Variants in MAMDC2 observed in about 807,000 individuals in gnomAD.
The protein encoded by MAMDC2 is MAM domain containing 2, also known as MAM domain-containing protein 2.
Under a neutral mutation model 89.8 loss-of-function variants are expected in MAMDC2, and 57 were observed. That is an observed-to-expected ratio of 0.63 (90% CI 0.51 to 0.79). The LOEUF is 0.79. Ranked by LOEUF, MAMDC2 falls within the 30% of genes least tolerant of loss-of-function variation. The pLI is 0.00. For missense variants in MAMDC2, 800 were observed against 820.6 expected (o/e 0.97, Z 0.31); for synonymous variants, 313 against 293.4 (o/e 1.07, Z -0.68).
At chr9:70,145,574 A>G (rs1341451864) in intron 9 of MAMDC2, among the ~76,000 whole-genome samples, 1 of 47,814 alleles carries the variant, frequency 2.1e-5, no homozygotes, top group Non-Finnish European at 4.5e-5. Context: ...ACGCATGTAC[A>G]CACACACATG....
intron 5 of MAMDC2, among the ~76,000 whole-genome samples, chr9:70,120,758 A>G (rs2030247551): frequency 6.6e-6 from 1 of 152,208 alleles, no homozygotes; most frequent in Non-Finnish European, 1.5e-5. Flanking sequence ...ATATTCATTC[A>G]TGCTTACGTC....
At chr9:70,117,905 G>A (rs2030083088) in intron 5 of MAMDC2, among the ~76,000 whole-genome samples, 1 of 152,194 alleles carries the variant, frequency 6.6e-6, no homozygotes, top group Non-Finnish European at 1.5e-5. Flanking sequence ...TTGCAAGCAT[G>A]CACAGTAATG....
intron 11 of MAMDC2, among the ~76,000 whole-genome samples, chr9:70,189,736 G>T (rs576822205): frequency 6.6e-6 from 1 of 151,418 alleles, no homozygotes; most frequent in Non-Finnish European, 1.5e-5. Context: ...ACACTTGATG[G>T]TGTGTCTCAC....
At chr9:70,145,900 T>C (rs910034882) in intron 9 of MAMDC2, among the ~76,000 whole-genome samples, 2 of 152,088 alleles carry the variant, frequency 1.3e-5, no homozygotes, top group African/African-American at 2.4e-5. Flanking sequence ...CTAACTACCA[T>C]GCAATGTCAT....
chr9:70,210,639 G>A (rs974642215), intron 11 of MAMDC2, among the ~76,000 whole-genome samples: 2 of 152,112 alleles, frequency 1.3e-5, no homozygotes, highest in Non-Finnish European at 2.9e-5. Flanking sequence ...TTACATTTAA[G>A]GTTAATATTG....
At chr9:70,161,100 A>C (rs181911175) in intron 9 of MAMDC2, among the ~76,000 whole-genome samples, 18 of 152,242 alleles carry the variant, frequency 1.2e-4, no homozygotes, top group African/African-American at 4.3e-4. Flanking sequence ...CCTGTTCTTC[A>C]TTCTAAAAAA....
intron 2 of MAMDC2, among the ~76,000 whole-genome samples, chr9:70,077,459 A>G (rs925006672): frequency 2.0e-5 from 3 of 152,242 alleles, no homozygotes; most frequent in African/African-American, 7.2e-5. Context: ...CAATGGGGCT[A>G]TTGAGCAGTA....
chr9:70,145,784 A>T (rs548407023), intron 9 of MAMDC2, among the ~76,000 whole-genome samples: 1 of 152,050 alleles, frequency 6.6e-6, no homozygotes, highest in South Asian at 2.1e-4. Context: ...ACCAGTGTTT[A>T]TTAGGTATAT....
At chr9:70,163,341 G>A (rs765065755) in intron 9 of MAMDC2, among the ~76,000 whole-genome samples, 1 of 150,024 alleles carries the variant, frequency 6.7e-6, no homozygotes, top group African/African-American at 2.5e-5. Context: ...TGACTCTCCT[G>A]CCTCAGCCTC....
Position 70,076,839 on chromosome 9 carries a change from T to A in MAMDC2, c.149-31372T>A, listed in dbSNP as rs3015166. Among the ~76,000 whole-genome samples the A allele has an allele frequency of 7.2e-3, 1,104 of 152,286 alleles. 15 individuals are homozygous for A. The highest frequency in any genetic ancestry group is 0.025 in the African/African-American group (1,048 of 41,550). ...TTCTCTAAAAATAGTCCCTTCAGCCTTTCCTATTAAACTAGGTGTCAAGGC... is the reference window on the plus strand; with the variant it reads ...TTCTCTAAAAATAGTCCCTTCAGCCATTCCTATTAAACTAGGTGTCAAGGC... On this transcript the variant is annotated intron_variant, in intron 2 of 13. Transcript: ENST00000377182.
chr9:70,096,209 G>T (rs1431425228), intron 2 of MAMDC2, among the ~76,000 whole-genome samples: 1 of 151,812 alleles, frequency 6.6e-6, no homozygotes, highest in African/African-American at 2.4e-5. Context: ...GTAGAGATGG[G>T]GTTTTGCCAT....
chr9:70,170,693 C>T (rs910169772), intron 11 of MAMDC2, 62 bp downstream of exon 11: 16 of 1,460,664 alleles, frequency 1.1e-5, no homozygotes, highest in South Asian at 4.3e-5. Context: ...TTCTAGGAAT[C>T]GTTTACTGCA....
chr9:70,065,579 C>CTT (rs34893537), intron 2 of MAMDC2, among the ~76,000 whole-genome samples: 2 of 141,398 alleles, frequency 1.4e-5, no homozygotes, highest in Middle Eastern at 3.6e-3. Context: ...ACCCCACGTC[C>CTT]TTTTTTTTTT....
At chr9:70,209,922 A>C (rs1013598689) in intron 11 of MAMDC2, among the ~76,000 whole-genome samples, 1 of 152,166 alleles carries the variant, frequency 6.6e-6, no homozygotes. Flanking sequence ...CAGGTTGTTC[A>C]GTTTCCATGT....
intron 9 of MAMDC2, among the ~76,000 whole-genome samples, chr9:70,145,562 GCACGCATGTACA>G (rs1215119738): frequency 2.6e-5 from 3 of 114,388 alleles, no homozygotes; most frequent in African/African-American, 6.5e-5. Flanking sequence ...ACACACACAT[GCACGCATGTACA>G]CACACACATG....
chr9:70,198,501 A>G (rs1334243127), intron 11 of MAMDC2, among the ~76,000 whole-genome samples: 1 of 152,122 alleles, frequency 6.6e-6, no homozygotes, highest in Non-Finnish European at 1.5e-5. Flanking sequence ...AGAATATATA[A>G]GCCAAGAGTA....
chr9:70,109,726 A>G lies in MAMDC2; in HGVS notation c.427A>G (p.Ile143Val), dbSNP rs1204440359. ...QNSSKKFKIL[I>V]EGVLGQGNTA... ...TTCCCCATATGTTGTGCAGATTTTA[A>G]TAGAAGGTGTACTAGGACAGGGAAA... The change falls in exon 4 of 14, where the codon ATA becomes GTA. Residue 143 changes from isoleucine (I) to valine (V), a missense_variant. Coordinates refer to ENST00000377182, the MANE Select transcript of MAMDC2 (RefSeq NM_153267.5). The G allele has an allele frequency of 3.1e-6, 5 of 1,612,998 alleles. No homozygotes were observed. Among genetic ancestry groups the G allele is most frequent in the Non-Finnish European group, 4.2e-6 (5 of 1,179,158 alleles).
At chr9:70,100,211 A>C (rs1828146453) in intron 2 of MAMDC2, among the ~76,000 whole-genome samples, 2 of 152,206 alleles carry the variant, frequency 1.3e-5, no homozygotes, top group Non-Finnish European at 2.9e-5. Context: ...ATCTTAAAAG[A>C]CTACAAAATT....
intron 11 of MAMDC2, among the ~76,000 whole-genome samples, chr9:70,206,347 C>A (rs748052357): frequency 3.9e-5 from 6 of 152,156 alleles, no homozygotes; most frequent in Non-Finnish European, 8.8e-5. Flanking sequence ...AAATTTATCA[C>A]AGGTATATGT....
Sources: gnomAD v4.1 joint callset for allele counts (sites outside exome capture counted in the v4.1 genomes callset) on GRCh38, gnomAD v4.1.1 for gene constraint, MANE v1.5 for transcripts, NCBI Gene and HGNC (gene_info 2026-07-23, HGNC 2026-07-21) for gene names.